Variants in GRM7 observed in about 807,000 individuals in gnomAD.
GRM7 encodes glutamate metabotropic receptor 7, also known as metabotropic glutamate receptor 7.
In GRM7, 35 loss-of-function variants were observed where a neutral mutation model predicts 84.5. The ratio of observed to expected loss-of-function variants is 0.41; its 90% CI spans 0.32 to 0.55. GRM7 has a LOEUF of 0.55. Ranked by LOEUF, GRM7 falls within the 20% of genes least tolerant of loss-of-function variation. GRM7 has a pLI of 0.19. For synonymous variants in GRM7, 487 were observed against 455.1 expected (o/e 1.07, Z -0.89); for missense variants, 1,003 against 1,194.6 (o/e 0.84, Z 2.36).
chr3:7,126,255 A>C (rs552032356), intron 1 of GRM7, among the ~76,000 whole-genome samples: 21 of 152,294 alleles, frequency 1.4e-4, no homozygotes, highest in Admixed American at 1.1e-3. Flanking sequence ...CTGCTCTGGT[A>C]CTTTGTTAAA....
chr3:7,731,077 T>C (rs998245988), intron 9 of GRM7, among the ~76,000 whole-genome samples: 1 of 134,410 alleles, frequency 7.4e-6, no homozygotes, highest in Admixed American at 6.9e-5. Flanking sequence ...AATTAGTTTT[T>C]TCTTTTGTTT....
intron 1 of GRM7, among the ~76,000 whole-genome samples, chr3:6,953,966 G>A (rs571477823): frequency 1.3e-5 from 2 of 152,226 alleles, no homozygotes; most frequent in East Asian, 1.9e-4. Context: ...ATTAGTTAAT[G>A]GTAGGATTTT....
chr3:7,136,632 C>T (rs908335816), intron 1 of GRM7, among the ~76,000 whole-genome samples: 1 of 152,164 alleles, frequency 6.6e-6, no homozygotes, highest in African/African-American at 2.4e-5. Context: ...GAAAAACTCC[C>T]AAATACTGTG....
chr3:7,268,231 G>A (rs1382078571), intron 2 of GRM7, among the ~76,000 whole-genome samples: 5 of 152,118 alleles, frequency 3.3e-5, no homozygotes, highest in South Asian at 2.1e-4. Flanking sequence ...GCTGGGTGAG[G>A]TGGCTTATGC....
intron 2 of GRM7, among the ~76,000 whole-genome samples, chr3:7,175,210 G>C (rs1248538862): frequency 1.3e-5 from 2 of 152,214 alleles, no homozygotes; most frequent in Admixed American, 1.3e-4. Context: ...TTCTGCTAGA[G>C]ACAGCTCTCT....
At chr3:7,550,368 C>T (rs1352837329) in intron 7 of GRM7, among the ~76,000 whole-genome samples, 1 of 142,644 alleles carries the variant, frequency 7.0e-6, no homozygotes, top group Non-Finnish European at 1.5e-5. Flanking sequence ...CTCCTTCCTT[C>T]CTTTCTCTCT....
At chr3:7,716,830 G>A (rs904394967) in intron 9 of GRM7, among the ~76,000 whole-genome samples, 1 of 152,200 alleles carries the variant, frequency 6.6e-6, no homozygotes, top group Non-Finnish European at 1.5e-5. Context: ...GTGAGCAAGG[G>A]AAATTGTGTG....
chr3:7,447,724 ACT>A (rs1209194153), intron 5 of GRM7, among the ~76,000 whole-genome samples: 1 of 126,216 alleles, frequency 7.9e-6, no homozygotes, highest in African/African-American at 2.6e-5. Flanking sequence ...TCCCCAGCAA[ACT>A]CTTTTTTTTT....
intron 1 of GRM7, among the ~76,000 whole-genome samples, chr3:6,908,898 T>G (rs78932721): frequency 2.2e-3 from 336 of 152,258 alleles, no homozygotes; most frequent in African/African-American, 7.7e-3. Flanking sequence ...GATGGATTTC[T>G]GGCTAGGTAA....
At chr3:7,340,917 G>A (rs1045447689) in intron 4 of GRM7, among the ~76,000 whole-genome samples, 1 of 152,082 alleles carries the variant, frequency 6.6e-6, no homozygotes, top group Non-Finnish European at 1.5e-5. Flanking sequence ...CTGGTAGTGA[G>A]GGCTGGTATT....
chr3:7,269,857 C>T (rs1390275807), intron 2 of GRM7, among the ~76,000 whole-genome samples: 1 of 152,180 alleles, frequency 6.6e-6, no homozygotes, highest in South Asian at 2.1e-4. Flanking sequence ...CCTTTCCCTA[C>T]TGGCATTTTT....
At chr3:7,230,182 C>T (rs1159603163) in intron 2 of GRM7, among the ~76,000 whole-genome samples, 1 of 151,996 alleles carries the variant, frequency 6.6e-6, no homozygotes, top group Non-Finnish European at 1.5e-5. Context: ...AAGAAATTAC[C>T]TCCTCAAACA....
chr3:7,059,438 A>G (rs1009977176), intron 1 of GRM7, among the ~76,000 whole-genome samples: 2 of 151,820 alleles, frequency 1.3e-5, no homozygotes, highest in African/African-American at 4.8e-5. Context: ...CAATACTTTC[A>G]TTATATGTAA....
At chr3:6,976,624 G>A (rs1269552643) in intron 1 of GRM7, among the ~76,000 whole-genome samples, 1 of 151,996 alleles carries the variant, frequency 6.6e-6, no homozygotes, top group Non-Finnish European at 1.5e-5. Context: ...GTATTATGCA[G>A]TTGGCCATAG....
intron 4 of GRM7, among the ~76,000 whole-genome samples, chr3:7,314,030 G>A (rs376382651): frequency 6.6e-5 from 10 of 151,994 alleles, no homozygotes; most frequent in African/African-American, 2.2e-4. Context: ...AAAGCAGAAC[G>A]CCAGTGTCTT....
At chr3:7,160,928 G>A (rs1373926696) in intron 2 of GRM7, among the ~76,000 whole-genome samples, 2 of 152,150 alleles carry the variant, frequency 1.3e-5, no homozygotes, top group Non-Finnish European at 2.9e-5. Flanking sequence ...CCTTAGAACA[G>A]TGCCTGGGAC....
chr3:7,481,687 C>T (rs1699134567), intron 7 of GRM7, among the ~76,000 whole-genome samples: 1 of 152,106 alleles, frequency 6.6e-6, no homozygotes, highest in Admixed American at 6.5e-5. Context: ...GGGGAAGAAT[C>T]CTCTCTCAGG....
At chr3:7,487,324 C>T (rs575579796) in intron 7 of GRM7, among the ~76,000 whole-genome samples, 128 of 152,232 alleles carry the variant, frequency 8.4e-4, no homozygotes, top group East Asian at 2.3e-3. Context: ...ATAGTAAAAA[C>T]GCATGTCCTG....
chr3:7,308,018 G>A (rs575644535), intron 4 of GRM7, among the ~76,000 whole-genome samples: 25 of 152,136 alleles, frequency 1.6e-4, no homozygotes, highest in Non-Finnish European at 2.9e-4. Flanking sequence ...CGTTGGATGC[G>A]AGAAGTGATA....
Sources: gnomAD v4.1 joint callset for allele counts (sites outside exome capture counted in the v4.1 genomes callset) on GRCh38, gnomAD v4.1.1 for gene constraint, MANE v1.5 for transcripts, NCBI Gene and HGNC (gene_info 2026-07-23, HGNC 2026-07-21) for gene names.